GPR135: variants seen among roughly 807,000 people sequenced by gnomAD.
GPR135 encodes the protein G-protein coupled receptor 135.
A neutral mutation model predicts 15.0 loss-of-function variants in GPR135; 17 were observed. The observed-to-expected ratio is 1.13, with a 90% CI of 0.78 to 1.70. The LOEUF is 1.70. GPR135 is among the 40% of genes most tolerant of loss of function. The probability of loss-of-function intolerance (pLI) is 0.00; values close to 1 mark genes in which losing one functional copy is unlikely to be tolerated. For synonymous variants in GPR135, 368 were observed against 349.4 expected (o/e 1.05, Z -0.59); for missense variants, 776 against 727.0 (o/e 1.07, Z -0.78).
rs1889064230 is a variant in GPR135 at position 59,464,825 on chromosome 14, G to T, written c.402C>A (p.Leu134=). The change falls in exon 1 of 1, where the codon CTC becomes CTA. Residue 134 remains leucine (L), a synonymous_variant. Transcript: ENST00000395116. ...VMGVIVKHRQ[L]RTVTNAFILS... is the part of the protein sequence containing the mutation. ...GGATGAAGGCGTTGGTGACGGTGCG[G>T]AGCTGCCGGTGCTTCACAATCACCC... 6 of 1,588,198 alleles carry T rather than the reference G, an allele frequency of 3.8e-6. No individual in the cohort carries two copies. Among genetic ancestry groups the T allele is most frequent in the Non-Finnish European group, 5.1e-6 (6 of 1,167,364 alleles).
At chr14:59,459,707 C>T (rs1888787994), downstream of GPR135, among the ~76,000 whole-genome samples, 1 of 152,104 alleles carries the variant, frequency 6.6e-6, no homozygotes, top group Non-Finnish European at 1.5e-5. Flanking sequence ...AAAGTACAGG[C>T]AATTCTTTTG....
At chr14:59,460,345 T>C (rs189160461), downstream of GPR135, 27 of 152,360 alleles carry the variant, frequency 1.8e-4, 1 homozygote, top group Admixed American at 1.6e-3. Context: ...ATATATATAG[T>C]TGTTTTCCAA....
At position 59,464,916 on chromosome 14, in the gene GPR135, G is replaced by A. The variant is rs758361354; in HGVS notation, c.311C>T (p.Ala104Val). The change falls in exon 1 of 1, where the codon GCG becomes GTG. Residue 104 changes from alanine (A) to valine (V), a missense_variant. Ala to Val is a moderately conservative substitution (Grantham distance 64). Coordinates refer to ENST00000395116, the MANE Select transcript of GPR135 (RefSeq NM_022571.6). ...GAGCAGGAGGACGAGCGCCTGGGCCGCCACTGCAGCTCCGTGCGACAGCAG... is the reference window on the plus strand; with the variant it reads ...GAGCAGGAGGACGAGCGCCTGGGCCACCACTGCAGCTCCGTGCGACAGCAG... ...APLLSHGAAV[A>V]AQALVLLLIF... 1.9e-6 allele frequency: 3 copies of A among 1,600,238 alleles called. No homozygotes were observed. The highest frequency in any genetic ancestry group is 1.7e-5 in the Admixed American group (1 of 58,614).
At chr14:59,458,268 C>T (rs1162437990), downstream of GPR135, among the ~76,000 whole-genome samples, 4 of 152,170 alleles carry the variant, frequency 2.6e-5, no homozygotes, top group Non-Finnish European at 5.9e-5. Flanking sequence ...TTGTTTTTGA[C>T]AATGCTCTTG....
Position 59,463,676 on chromosome 14 carries a change from A to T in GPR135, c.*66T>A. 1 of 1,426,942 alleles carries T rather than the reference A, an allele frequency of 7.0e-7. No individual in the cohort carries two copies. Among genetic ancestry groups the T allele is most frequent in the Non-Finnish European group, 9.4e-7 (1 of 1,058,812 alleles). 88.4% of individuals were successfully genotyped at this position (1,426,942 alleles called of 1,614,324 possible). ...TTTATGAAATCCACAACTCTCCCCCAGAATCTTCCATCATTAAATAATGCG... is the reference window on the plus strand; with the variant it reads ...TTTATGAAATCCACAACTCTCCCCCTGAATCTTCCATCATTAAATAATGCG... On this transcript the variant is annotated 3_prime_UTR_variant, in exon 1 of 1. Transcript: ENST00000395116.
chr14:59,464,023 G>T lies in GPR135; in HGVS notation c.1204C>A (p.Arg402Ser). The T allele has an allele frequency of 6.2e-7, 1 of 1,613,862 alleles. No homozygotes were observed. Among genetic ancestry groups the T allele is most frequent in the African/African-American group, 1.3e-5 (1 of 75,062 alleles). Residue 402 changes from arginine (R) to serine (S), a missense_variant, in exon 1 of 1, where the codon CGC (arginine) becomes AGC (serine). Physicochemically the swap from Arg to Ser is moderately radical, Grantham distance 110. Transcript: ENST00000395116. ...PNISMLLGRN[R>S]EEGYRTRNVD... ...TTCCTAGTCCGGTAGCCCTCCTCGC[G>T]GTTGCGCCCTAGGAGCATCGAAATG...
chr14:59,456,963 A>G (rs1888674662), downstream of GPR135, among the ~76,000 whole-genome samples: 1 of 152,236 alleles, frequency 6.6e-6, no homozygotes, highest in Non-Finnish European at 1.5e-5. Flanking sequence ...TTTTACATAA[A>G]GAAACAAAAA....
In GPR135 at chr14:59,464,651, C is replaced by T; in HGVS notation, c.576G>A (p.Ser192=). ...GFCAASRFFS[S]CFGIVSTLSV... ...TGAGCGTGGACACGATGCCGAAGCA[C>T]GAGCTGAAGAAGCGGCTGGCGGCGC... The change falls in exon 1 of 1, where the codon TCG becomes TCA. Residue 192 remains serine (S), a synonymous_variant. Coordinates refer to ENST00000395116, the MANE Select transcript of GPR135 (RefSeq NM_022571.6). 1 of 1,596,906 alleles carries T rather than the reference C, an allele frequency of 6.3e-7. No individual in the cohort carries two copies. The highest frequency in any genetic ancestry group is 1.3e-5 in the African/African-American group (1 of 74,878).
downstream of GPR135, among the ~76,000 whole-genome samples, chr14:59,459,387 G>A (rs565004674): frequency 1.3e-5 from 2 of 152,304 alleles, no homozygotes; most frequent in African/African-American, 4.8e-5. Context: ...ATTTTTTTGT[G>A]TTTAGAGAGG....
Position 59,463,500 on chromosome 14 carries a change from T to A in GPR135, c.*242A>T. 1 of 515,640 alleles carries A rather than the reference T, an allele frequency of 1.9e-6. No homozygotes were observed. 31.9% of individuals were successfully genotyped at this position (515,640 alleles called of 1,614,324 possible). ...TGTTATTTTTGTCATTTTTGGCACTTACAGTTCACAATGCTTGGTTATGTG... is the reference window on the plus strand; with the variant it reads ...TGTTATTTTTGTCATTTTTGGCACTAACAGTTCACAATGCTTGGTTATGTG... On this transcript the variant is annotated 3_prime_UTR_variant, in exon 1 of 1. Transcript: ENST00000395116.
Position 59,461,121 on chromosome 14 carries a change from G to T in GPR135, c.*2621C>A, listed in dbSNP as rs1007773401. 1.3e-5 allele frequency: 2 copies of T among 152,244 alleles called. No homozygotes were observed. Among genetic ancestry groups the T allele is most frequent in the Non-Finnish European group, 2.9e-5 (2 of 68,032 alleles). 9.4% of individuals were successfully genotyped at this position (152,244 alleles called of 1,614,324 possible). A position where few individuals can be genotyped will look rare whatever the true frequency, so the allele number is the denominator to read the frequency against. ...TTGCTGAGGCTGTAAGCCCTCTGCA[G>T]ATGAGTACTGTGGCTTCTACCTTTT... is the stretch of plus-strand genomic sequence containing the variant. On this transcript the variant is annotated 3_prime_UTR_variant, in exon 1 of 1. Transcript: ENST00000395116.
chr14:59,459,238 T>C (rs1888769477), downstream of GPR135, among the ~76,000 whole-genome samples: 2 of 152,252 alleles, frequency 1.3e-5, no homozygotes, highest in African/African-American at 4.8e-5. Context: ...GTATGTTTTA[T>C]GTATAATTTT....
At position 59,464,705 on chromosome 14, in the gene GPR135, G is replaced by A. The variant is rs763307045; in HGVS notation, c.522C>T (p.Ala174=). The stretch of plus-strand genomic sequence containing the variant: ...AGCCGCGCCAGGGCCCCGCGGCGGC[G>A]GCAGGCGCCGAACCCCCGGGCGGAG... ...LFTPPGGSAP[A]AAAGPWRGFC... is the part of the protein sequence containing the mutation. The change falls in exon 1 of 1, where the codon GCC becomes GCT. Residue 174 remains alanine (A), a synonymous_variant. Coordinates refer to ENST00000395116, the MANE Select transcript of GPR135 (RefSeq NM_022571.6). The A allele has an allele frequency of 6.4e-7, 1 of 1,568,666 alleles. No homozygotes were observed. Among genetic ancestry groups the A allele is most frequent in the African/African-American group, 1.3e-5 (1 of 74,160 alleles).
chr14:59,454,424 G>C (rs1888586077), intron 6 of GPR135, among the ~76,000 whole-genome samples: 1 of 152,206 alleles, frequency 6.6e-6, no homozygotes, highest in South Asian at 2.1e-4. Flanking sequence ...GTATTCACTG[G>C]ATTTAGGTCA....
chr14:59,464,199 C>T lies in GPR135; in HGVS notation c.1028G>A (p.Cys343Tyr). ...VLIMIVFVIC[C>Y]WGPYCFLVLL... ...CACCAGGAAGCAGTAGGGCCCCCAG[C>T]AGCAGATGACGAAGACGATCATGAT... Residue 343 changes from cysteine to tyrosine, a missense_variant, in exon 1 of 1, where the codon TGC (cysteine) becomes TAC (tyrosine). Physicochemically the swap from Cys to Tyr is radical, Grantham distance 194. Coordinates refer to ENST00000395116, the MANE Select transcript of GPR135 (RefSeq NM_022571.6). The T allele has an allele frequency of 6.2e-7, 1 of 1,600,672 alleles. No individual in the cohort carries two copies. The highest frequency in any genetic ancestry group is 8.5e-7 in the Non-Finnish European group (1 of 1,179,786).
chr14:59,462,947 T>C lies in GPR135; in HGVS notation c.*795A>G, dbSNP rs1198148974. The C allele has an allele frequency of 1.3e-5, 2 of 152,212 alleles. No homozygotes were observed. The highest frequency in any genetic ancestry group is 2.9e-5 in the Non-Finnish European group (2 of 68,032). The allele number at this position is 152,212 out of a possible 1,614,324, so 9.4% of individuals were successfully genotyped here. A position where few individuals can be genotyped will look rare whatever the true frequency, so the allele number is the denominator to read the frequency against. On this transcript the variant is annotated 3_prime_UTR_variant, in exon 1 of 1. Transcript: ENST00000395116. ...ATTCTGAGAGCAGCATTCCAAAATT[T>C]ATCAGAAATAAAAGTAACAGGTTAG...
rs1258351719 is a variant in GPR135, at chr14:59,462,352, T to C, written c.*1390A>G. ...TTCTGTGTATAGTCGTATTTAACAT[T>C]AGAAAGTTCACATACGCTTTTGAAT... On this transcript the variant is annotated 3_prime_UTR_variant, in exon 1 of 1. Coordinates refer to ENST00000395116, the MANE Select transcript of GPR135 (RefSeq NM_022571.6). 6.6e-6 allele frequency: 1 copy of C among 152,210 alleles called. No homozygotes were observed. The highest frequency in any genetic ancestry group is 1.5e-5 in the Non-Finnish European group (1 of 68,036). The allele number at this position is 152,210 out of a possible 1,614,324, so 9.4% of individuals were successfully genotyped here.
rs1330149305 is a variant in GPR135 at position 59,464,856 on chromosome 14, A to G, written c.371T>C (p.Val124Ala). The change falls in exon 1 of 1, where the codon GTG (valine) becomes GCG (alanine). Residue 124 changes from valine (V) to alanine (A), a missense_variant. By Grantham distance (64) the Val-to-Ala change is moderately conservative. Transcript: ENST00000395116. ...CCGGTGCTTCACAATCACCCCCATC[A>G]CCGCGCAGTTGCCAAGGCTAGACAG... Reference protein sequence around the residue: ...FLLSSLGNCAVMGVIVKHRQL... With the variant: ...FLLSSLGNCAAMGVIVKHRQL... The G allele has an allele frequency of 3.7e-6, 6 of 1,603,550 alleles. No homozygotes were observed. The South Asian group carries it at 5.6e-5, about 15-fold the overall frequency.
Position 59,464,849 on chromosome 14 carries a change from C to G in GPR135, c.378G>C (p.Gly126=), listed in dbSNP as rs1168325116. The change falls in exon 1 of 1, where the codon GGG becomes GGC. Residue 126 remains glycine (G), a synonymous_variant. Transcript: ENST00000395116. ...LSSLGNCAVM[G]VIVKHRQLRT... ...GGAGCTGCCGGTGCTTCACAATCAC[C>G]CCCATCACCGCGCAGTTGCCAAGGC... The G allele has an allele frequency of 6.2e-7, 1 of 1,602,988 alleles. No homozygotes were observed. The highest frequency in any genetic ancestry group is 1.1e-5 in the South Asian group (1 of 88,746).
Sources: gnomAD v4.1 joint callset for allele counts (sites outside exome capture counted in the v4.1 genomes callset) on GRCh38, gnomAD v4.1.1 for gene constraint, MANE v1.5 for transcripts, NCBI Gene and HGNC (gene_info 2026-07-23, HGNC 2026-07-21) for gene names.